MYT1L: variants seen among roughly 807,000 people sequenced by gnomAD.
MYT1L encodes myelin transcription factor 1-like protein.
A neutral mutation model predicts 126.7 loss-of-function variants in MYT1L; 12 were observed. The observed-to-expected ratio is 0.09, with a 90% CI of 0.06 to 0.15. The LOEUF is 0.15. Ranked by LOEUF, MYT1L falls within the 10% of genes least tolerant of loss-of-function variation. The pLI is 1.00. For synonymous variants in MYT1L, 541 were observed against 604.2 expected, an observed-to-expected ratio of 0.90 and a Z score of 1.53; for missense variants, 979 against 1,585.2, an observed-to-expected ratio of 0.62 and a Z score of 6.49.
intron 4 of MYT1L, among the ~76,000 whole-genome samples, chr2:2,043,838 TA>T (rs1383594172): frequency 2.0e-5 from 3 of 152,220 alleles, no homozygotes; most frequent in Non-Finnish European, 4.4e-5. Flanking sequence ...ATACCATGAC[TA>T]AAATAAATAT....
intron 5 of MYT1L, among the ~76,000 whole-genome samples, chr2:1,981,696 G>A (rs1201452242): frequency 6.6e-6 from 1 of 152,170 alleles, no homozygotes; most frequent in Non-Finnish European, 1.5e-5. Context: ...GCATGGGGAG[G>A]ACGAGTCGCA....
intron 9 of MYT1L, among the ~76,000 whole-genome samples, chr2:1,942,026 C>T (rs1573808206): frequency 6.6e-6 from 1 of 152,146 alleles, no homozygotes; most frequent in African/African-American, 2.4e-5. Flanking sequence ...AATTAGTTCT[C>T]CTGGTAATCA....
At chr2:2,316,180 T>C (rs1373409240) in intron 1 of MYT1L, among the ~76,000 whole-genome samples, 1 of 152,188 alleles carries the variant, frequency 6.6e-6, no homozygotes, top group Non-Finnish European at 1.5e-5. Flanking sequence ...CTCAGACTCC[T>C]TTCCTTTTCC....
At chr2:2,300,899 A>G (rs1376084412) in intron 1 of MYT1L, among the ~76,000 whole-genome samples, 2 of 152,124 alleles carry the variant, frequency 1.3e-5, no homozygotes, top group Non-Finnish European at 2.9e-5. Flanking sequence ...CTAAGTCCTG[A>G]TTTTTGCTGT....
chr2:1,848,762 A>G lies in MYT1L; in HGVS notation c.2774+2879T>C, dbSNP rs1010037619. Among the ~76,000 whole-genome samples the G allele has an allele frequency of 3.3e-5, 5 of 152,128 alleles. No homozygotes were observed. The South Asian group carries it at 1.0e-3, about 32-fold the overall frequency. On this transcript the variant is annotated intron_variant, in intron 19 of 24. Coordinates refer to ENST00000647738, the MANE Select transcript of MYT1L (RefSeq NM_001303052.2). This position sits in a 1 kb window ranked among gnomAD's most constrained non-coding sequence, Gnocchi z 4.8. ...CTGCACTTGTTTTGCTGGGGCCTCCATCTTCCTTTAGCGGGGGCTTTATGT... is the reference window on the plus strand; with the variant it reads ...CTGCACTTGTTTTGCTGGGGCCTCCGTCTTCCTTTAGCGGGGGCTTTATGT...
Position 2,172,853 on chromosome 2 carries a change from C to T in MYT1L, c.-304+19G>A, listed in dbSNP as rs2090259934. The T allele has an allele frequency of 6.6e-6, 1 of 152,386 alleles. No homozygotes were observed. The highest frequency in any genetic ancestry group is 1.5e-5 in the Non-Finnish European group (1 of 68,162). 9.4% of individuals were successfully genotyped at this position (152,386 alleles called of 1,614,324 possible). A position where few individuals can be genotyped will look rare whatever the true frequency, so the allele number is the denominator to read the frequency against. Reference sequence around the variant, plus strand: ...CACCTGCACTCTGTCACCAGGAGCCCCGTGCTGGGCAGAGGTACCTGCACT... The same window carrying T: ...CACCTGCACTCTGTCACCAGGAGCCTCGTGCTGGGCAGAGGTACCTGCACT... On this transcript the variant is annotated intron_variant, in intron 3 of 24. Coordinates refer to ENST00000647738, the MANE Select transcript of MYT1L (RefSeq NM_001303052.2).
chr2:2,155,183 C>T (rs2086523305), intron 3 of MYT1L, among the ~76,000 whole-genome samples: 1 of 152,140 alleles, frequency 6.6e-6, no homozygotes, highest in Non-Finnish European at 1.5e-5. Flanking sequence ...GAAGTTACCA[C>T]AGAAAAATTT....
At chr2:2,323,478 C>T (rs1032729391) in intron 1 of MYT1L, among the ~76,000 whole-genome samples, 8 of 152,002 alleles carry the variant, frequency 5.3e-5, no homozygotes, top group African/African-American at 1.2e-4. Flanking sequence ...CTTGCCTTTT[C>T]GGGAGAATAG....
At chr2:1,814,027 CAA>C (rs144973855) in intron 21 of MYT1L, among the ~76,000 whole-genome samples, 9 of 124,530 alleles carry the variant, frequency 7.2e-5, no homozygotes, top group Non-Finnish European at 8.4e-5. Flanking sequence ...ACTCCGTCCC[CAA>C]AAAAAAAAAA....
At position 1,889,484 on chromosome 2, in the gene MYT1L, G is replaced by A; in HGVS notation, c.2284-7C>T. 1 of 1,585,434 alleles carries A rather than the reference G, an allele frequency of 6.3e-7. No individual in the cohort carries two copies. Among genetic ancestry groups the A allele is most frequent in the Non-Finnish European group, 8.6e-7 (1 of 1,162,918 alleles). ...CCACCTCCATGTCAGGGTTCTGTCG[G>A]TAGAAAGACATAGTGACTGTGCTTG... On this transcript the variant is annotated splice_region_variant and splice_polypyrimidine_tract_variant and intron_variant, in intron 15 of 24. Coordinates refer to ENST00000647738, the MANE Select transcript of MYT1L (RefSeq NM_001303052.2). The surrounding 1 kb of genome is among the most constrained non-coding windows in gnomAD (Gnocchi z 4.1).
In MYT1L at chr2:2,246,238, A is replaced by G. The variant is rs571012061; in HGVS notation, c.-421+38166T>C. ...TCATTTAGTAGGTTCTGTGAAATAC[A>G]CTAGCAGCCCCCAGGAGTGGAGAGC... is the stretch of plus-strand genomic sequence containing the variant. On this transcript the variant is annotated intron_variant, in intron 2 of 24. Transcript: ENST00000647738. Among the ~76,000 whole-genome samples the G allele has an allele frequency of 6.6e-5, 10 of 152,336 alleles. No homozygotes were observed. In the South Asian group the frequency reaches 8.3e-4, roughly 13 times the overall value.
chr2:1,979,923 G>T lies in MYT1L; in HGVS notation c.1-146C>A, dbSNP rs1303334084. ...AGGGAAGCCCTCTACAAGGGCAGGG[G>T]GTAAGACCAGGCAATCTAAATGTAT... is the stretch of plus-strand genomic sequence containing the variant. On this transcript the variant is annotated intron_variant, in intron 5 of 24. Coordinates refer to ENST00000647738, the MANE Select transcript of MYT1L (RefSeq NM_001303052.2). The surrounding 1 kb of genome is among the most constrained non-coding windows in gnomAD (Gnocchi z 4.0). The T allele has an allele frequency of 2.8e-6, 2 of 725,466 alleles. No homozygotes were observed. Among genetic ancestry groups the T allele is most frequent in the African/African-American group, 3.5e-5 (2 of 56,994 alleles). The allele number at this position is 725,466 out of a possible 1,614,324, so 44.9% of individuals were successfully genotyped here.
chr2:2,002,493 G>A (rs989383426), intron 4 of MYT1L, among the ~76,000 whole-genome samples: 1 of 152,210 alleles, frequency 6.6e-6, no homozygotes, highest in Non-Finnish European at 1.5e-5. Flanking sequence ...TAAGTGTCAG[G>A]CCACTGTTGT....
chr2:1,886,431 G>A, intron 18 of MYT1L, 108 bp downstream of exon 18: 1 of 765,382 alleles, frequency 1.3e-6, no homozygotes, highest in Middle Eastern at 3.7e-4. Flanking sequence ...GGGTGCACAG[G>A]CCATGTTTTT....
chr2:2,025,062 T>C (rs2065402101), intron 4 of MYT1L, among the ~76,000 whole-genome samples: 1 of 152,236 alleles, frequency 6.6e-6, no homozygotes, highest in African/African-American at 2.4e-5. Flanking sequence ...TTTTTTTCTT[T>C]TTTACTGTGG....
At chr2:1,921,152 C>T (rs79679599) in intron 10 of MYT1L, among the ~76,000 whole-genome samples, 5,852 of 152,228 alleles carry the variant, frequency 0.038, 203 homozygotes, top group Non-Finnish European at 0.058. Flanking sequence ...CTATTGGGTT[C>T]GCAGTGAGGA....
intron 2 of MYT1L, among the ~76,000 whole-genome samples, chr2:2,212,180 T>C (rs2093542708): frequency 6.6e-6 from 1 of 151,142 alleles, no homozygotes; most frequent in Non-Finnish European, 1.5e-5. Flanking sequence ...AATAGATTTG[T>C]ATTTTTCTTA....
intron 5 of MYT1L, among the ~76,000 whole-genome samples, chr2:1,983,830 T>C (rs1574222822): frequency 6.6e-6 from 1 of 152,344 alleles, no homozygotes; most frequent in South Asian, 2.1e-4. Flanking sequence ...TCCTTGGAAC[T>C]GGAGAAAGTT....
intron 3 of MYT1L, among the ~76,000 whole-genome samples, chr2:2,102,449 C>A (rs139160056): frequency 6.6e-6 from 1 of 152,006 alleles, no homozygotes; most frequent in South Asian, 2.1e-4. Flanking sequence ...TTTCATCTGC[C>A]GAATTCCAAG....
Sources: gnomAD v4.1 joint callset for allele counts (sites outside exome capture counted in the v4.1 genomes callset) on GRCh38, gnomAD v4.1.1 for gene constraint, Gnocchi (gnomAD v3.1) non-coding constraint, MANE v1.5 for transcripts, NCBI Gene and HGNC (gene_info 2026-07-23, HGNC 2026-07-21) for gene names.